AK8: variants seen among roughly 807,000 people sequenced by gnomAD.
AK8 encodes adenylate kinase 8.
A neutral mutation model predicts 54.6 loss-of-function variants in AK8; 44 were observed. That is an observed-to-expected ratio of 0.81 (90% CI 0.63 to 1.04). The LOEUF (loss-of-function observed/expected upper bound fraction) is 1.04. Among genes scored for constraint, AK8 ranks in the 50% least tolerant of loss-of-function variants. AK8 has a pLI of 0.00. For synonymous variants in AK8, 239 were observed against 245.6 expected (o/e 0.97, Z 0.25); for missense variants, 555 against 613.6 (o/e 0.90, Z 1.01).
intron 11 of AK8, among the ~76,000 whole-genome samples, chr9:132,787,236 G>T (rs1395849594): frequency 6.6e-6 from 1 of 152,116 alleles, no homozygotes; most frequent in Non-Finnish European, 1.5e-5. Flanking sequence ...AATAATTCAA[G>T]AAAATGTCCC....
intron 5 of AK8, among the ~76,000 whole-genome samples, chr9:132,853,714 A>C (rs1169701525): frequency 6.8e-6 from 1 of 147,122 alleles, no homozygotes; most frequent in Non-Finnish European, 1.5e-5. Flanking sequence ...TGAGCCCAGA[A>C]GGTCAAGGTT....
chr9:132,733,220 C>A (rs1200467533), intron 11 of AK8, among the ~76,000 whole-genome samples: 26 of 151,314 alleles, frequency 1.7e-4, no homozygotes, highest in Admixed American at 1.6e-3. Context: ...ATAACAGCCA[C>A]TAAAAAAAAA....
intron 11 of AK8, among the ~76,000 whole-genome samples, chr9:132,730,248 G>A (rs1337984154): frequency 1.3e-5 from 2 of 152,128 alleles, no homozygotes; most frequent in South Asian, 2.1e-4. Context: ...AAGAGGCCGC[G>A]CTTTGGTAGG....
chr9:132,741,330 C>T (rs1378939264), intron 11 of AK8, among the ~76,000 whole-genome samples: 1 of 152,230 alleles, frequency 6.6e-6, no homozygotes, highest in African/African-American at 2.4e-5. Context: ...TCCTGGAAAC[C>T]CACCATCTTC....
intron 11 of AK8, among the ~76,000 whole-genome samples, chr9:132,738,172 G>GACT: frequency 6.6e-6 from 1 of 152,000 alleles, no homozygotes; most frequent in African/African-American, 2.4e-5. Context: ...TCCTGCCTCA[G>GACT]CCTCCCGAGT....
At chr9:132,872,747 C>T (rs773566027) in intron 2 of AK8, among the ~76,000 whole-genome samples, 5 of 152,168 alleles carry the variant, frequency 3.3e-5, no homozygotes, top group Non-Finnish European at 7.4e-5. Flanking sequence ...GATTCTCCTG[C>T]CTCAGCCTCC....
At chr9:132,866,754 A>G (rs192955178) in intron 3 of AK8, 150 bp downstream of exon 3, 26 of 778,302 alleles carry the variant, frequency 3.3e-5, no homozygotes, top group Middle Eastern at 4.9e-4. Flanking sequence ...TTCTGCTATG[A>G]ATACACACTA....
At chr9:132,828,914 A>G (rs1424100021) in intron 5 of AK8, among the ~76,000 whole-genome samples, 188 bp from the exon 6 acceptor site, 1 of 151,998 alleles carries the variant, frequency 6.6e-6, no homozygotes, top group Non-Finnish European at 1.5e-5. Flanking sequence ...CTTCCGAATC[A>G]TATCTTGGTG....
intron 3 of AK8, among the ~76,000 whole-genome samples, chr9:132,866,286 G>C (rs1469693150): frequency 6.6e-6 from 1 of 152,158 alleles, no homozygotes; most frequent in Non-Finnish European, 1.5e-5. Context: ...CCAGAAAAGG[G>C]CATTCACTGT....
In AK8 at chr9:132,734,551, C is replaced by T. The variant is rs534830953; in HGVS notation, c.1122-7017G>A. Among the ~76,000 whole-genome samples the T allele has an allele frequency of 7.9e-5, 12 of 152,270 alleles. No individual in the cohort carries two copies. In the South Asian group the frequency reaches 2.1e-3, roughly 26 times the overall value. ...AGGAGTTCAAGACCAACCTGGGCAA[C>T]ACAGTGAGACCCCATCTCTACAAAA... On this transcript the variant is annotated intron_variant, in intron 11 of 12. Transcript: ENST00000298545.
At chr9:132,809,037 G>A (rs901023287) in intron 10 of AK8, among the ~76,000 whole-genome samples, 1 of 152,208 alleles carries the variant, frequency 6.6e-6, no homozygotes, top group African/African-American at 2.4e-5. Flanking sequence ...GCCCCATGGC[G>A]ATGAGGTCTC....
At chr9:132,856,923 G>A (rs955888325) in intron 4 of AK8, among the ~76,000 whole-genome samples, 2 of 152,164 alleles carry the variant, frequency 1.3e-5, no homozygotes, top group Non-Finnish European at 2.9e-5. Flanking sequence ...GGAACTGGAT[G>A]AATATGTTCA....
chr9:132,737,982 C>T (rs781565425), intron 11 of AK8, among the ~76,000 whole-genome samples: 9 of 152,082 alleles, frequency 5.9e-5, no homozygotes, highest in Admixed American at 1.3e-4. Flanking sequence ...GCCTTGTGGG[C>T]GCTGAGTCCT....
intron 11 of AK8, among the ~76,000 whole-genome samples, chr9:132,742,169 CTTTTTT>C (rs573195791): frequency 7.9e-6 from 1 of 126,598 alleles, no homozygotes; most frequent in South Asian, 2.5e-4. Flanking sequence ...TGGACTTGGA[CTTTTTT>C]TTTTTTTTTT....
chr9:132,738,092 C>T (rs548222059), intron 11 of AK8, among the ~76,000 whole-genome samples: 15 of 151,556 alleles, frequency 9.9e-5, no homozygotes, highest in Non-Finnish European at 1.9e-4. Context: ...CTCACTCTGT[C>T]GCCCAGGCTG....
chr9:132,734,952 A>C (rs749335896), intron 11 of AK8, among the ~76,000 whole-genome samples: 8 of 151,958 alleles, frequency 5.3e-5, no homozygotes, highest in Middle Eastern at 6.8e-3. Flanking sequence ...AATCGCTTGA[A>C]CCCGAGAGGT....
Position 132,878,221 on chromosome 9 carries a change from G to C in AK8, c.35C>G (p.Pro12Arg), listed in dbSNP as rs779143686. ...CTCCTCCCCGTACTGGGGCATCTCGGGGGGGATACGGTGCGGGGCGATAGT... is the reference window on the plus strand; with the variant it reads ...CTCCTCCCCGTACTGGGGCATCTCGCGGGGGATACGGTGCGGGGCGATAGT... ...DATIAPHRIP[P>R]EMPQYGEENH... is the part of the protein sequence containing the mutation. Residue 12 changes from proline to arginine, a missense_variant, in exon 1 of 13, where the codon CCC (proline) becomes CGC (arginine). Coordinates refer to ENST00000298545, the MANE Select transcript of AK8 (RefSeq NM_152572.3). The surrounding 1 kb of genome is among the most constrained non-coding windows in gnomAD (Gnocchi z 4.7). The C allele has an allele frequency of 3.4e-5, 49 of 1,458,180 alleles. No individual in the cohort carries two copies. Among genetic ancestry groups the C allele is most frequent in the East Asian group, 2.8e-4 (11 of 39,568 alleles). 90.3% of individuals were successfully genotyped at this position (1,458,180 alleles called of 1,614,324 possible). A position where few individuals can be genotyped will look rare whatever the true frequency, so the allele number is the denominator to read the frequency against.
In AK8 at chr9:132,799,180, T is replaced by C. The variant is rs1385417946; in HGVS notation, c.980-6405A>G. 6.6e-6 allele frequency among the ~76,000 whole-genome samples: 1 copy of C among 152,150 alleles called. No homozygotes were observed. The highest frequency in any genetic ancestry group is 6.6e-5 in the Admixed American group (1 of 15,266). On this transcript the variant is annotated intron_variant, in intron 10 of 12. Transcript: ENST00000298545. This position sits in a 1 kb window ranked among gnomAD's most constrained non-coding sequence, Gnocchi z 5.0. Reference sequence around the variant, plus strand: ...CCTGCTGCGCCACGCCGCCGCCTGCTGTCCGCACCGCAGAGCCAGCCCTGC... The same window carrying C: ...CCTGCTGCGCCACGCCGCCGCCTGCCGTCCGCACCGCAGAGCCAGCCCTGC...
chr9:132,772,032 A>G (rs1839002506), intron 11 of AK8, among the ~76,000 whole-genome samples: 1 of 152,142 alleles, frequency 6.6e-6, no homozygotes, highest in Non-Finnish European at 1.5e-5. Flanking sequence ...ATTCACTATC[A>G]CAACAACAGC....
Sources: allele counts gnomAD v4.1 joint callset (sites outside exome capture counted in the v4.1 genomes callset), GRCh38; gene constraint gnomAD v4.1.1; non-coding constraint Gnocchi (gnomAD v3.1); transcripts MANE v1.5; gene names NCBI Gene and HGNC (gene_info 2026-07-23, HGNC 2026-07-21).